The following SAMD3 variants were observed in gnomAD, a reference collection of about 807,000 sequenced individuals.
The protein encoded by SAMD3 is sterile alpha motif domain containing 3.
SAMD3 carries 63 observed loss-of-function variants against 58.5 expected under a neutral mutation model. The observed-to-expected ratio is 1.08, with a 90% CI of 0.88 to 1.33. SAMD3 has a LOEUF of 1.33. Ranked by LOEUF, SAMD3 falls within the 40% of genes most tolerant of loss-of-function variation. SAMD3 has a pLI of 0.00. For missense variants in SAMD3, 604 were observed against 608.4 expected (o/e 0.99, Z 0.08); for synonymous variants, 220 against 210.3 (o/e 1.05, Z -0.40).
intron 2 of SAMD3, among the ~76,000 whole-genome samples, chr6:130,251,489 T>C (rs1034371438): frequency 5.9e-5 from 9 of 152,174 alleles, no homozygotes; most frequent in East Asian, 5.8e-4. Flanking sequence ...TCTGTTTTTT[T>C]CTAAAACTTT....
chr6:130,154,724 T>A (rs1194940126), intron 9 of SAMD3, 101 bp downstream of exon 9: 218 of 153,528 alleles, frequency 1.4e-3, no homozygotes, highest in East Asian at 6.2e-3. Context: ...AAAAAATATA[T>A]ATATATATAT....
At chr6:130,180,710 G>A (rs1386419792) in intron 7 of SAMD3, among the ~76,000 whole-genome samples, 6 of 152,106 alleles carry the variant, frequency 3.9e-5, no homozygotes, top group African/African-American at 1.4e-4. Context: ...TTGGGGACAT[G>A]TCTGGTTGTT....
chr6:130,264,240 TGTTCTATCCCGAAGTCTGGCACCCTGCG>T (rs1370836834), intron 2 of SAMD3, among the ~76,000 whole-genome samples: 1 of 152,186 alleles, frequency 6.6e-6, no homozygotes, highest in East Asian at 1.9e-4. Context: ...AAGCTCTCTG[TGTTCTATCCCGAAGTCTGGCACCCTGCG>T]GTTCAGCTGC....
Position 130,154,968 on chromosome 6 carries a change from C to T in SAMD3, c.880G>A (p.Glu294Lys). ...LDEHIKWFQQ[E>K]YVKTEKDWRE... ...CAGTCCTTTTCTGTTTTCACGTATT[C>T]TTGCTGGAACCACTTAATATGTTCA... The change falls in exon 9 of 12, where the codon GAA becomes AAA. Residue 294 changes from glutamate to lysine, a missense_variant. By Grantham distance (56) the Glu-to-Lys change is moderately conservative (BLOSUM62 1). Coordinates refer to ENST00000439090, the MANE Select transcript of SAMD3 (RefSeq NM_001017373.4). 6.2e-7 allele frequency: 1 copy of T among 1,613,364 alleles called. No homozygotes were observed.
At chr6:130,273,345 A>G (rs1774640047) in intron 2 of SAMD3, among the ~76,000 whole-genome samples, 1 of 152,118 alleles carries the variant, frequency 6.6e-6, no homozygotes, top group Non-Finnish European at 1.5e-5. Context: ...TTTGTACAGA[A>G]TATCTTTTTC....
rs540198657 is a variant in SAMD3, at chr6:130,238,696, A to C, written c.-187-15883T>G. ...ATGGTAAACACATTACTGCTTGGCC[A>C]TATGTGGACCAGGAAGGGATGGAGA... On this transcript the variant is annotated intron_variant, in intron 2 of 13. Coordinates refer to the SAMD3 transcript ENST00000368134. 3.3e-5 allele frequency among the ~76,000 whole-genome samples: 5 copies of C among 152,316 alleles called. No individual in the cohort carries two copies. The East Asian group carries it at 9.7e-4, about 29-fold the overall frequency.
intron 7 of SAMD3, chr6:130,183,526 G>A: frequency 2.5e-6 from 1 of 397,650 alleles, no homozygotes; most frequent in Non-Finnish European, 4.9e-6. Context: ...TCCGAAGCAG[G>A]TGCAGCCATG....
intron 2 of SAMD3, among the ~76,000 whole-genome samples, chr6:130,259,483 T>G (rs1475444313): frequency 6.6e-6 from 1 of 152,190 alleles, no homozygotes; most frequent in East Asian, 1.9e-4. Context: ...TCAGCCTCCA[T>G]GATCCAAACA....
chr6:130,353,506 C>G (rs1364350494), intron 1 of SAMD3, among the ~76,000 whole-genome samples: 1 of 152,104 alleles, frequency 6.6e-6, no homozygotes, highest in African/African-American at 2.4e-5. Context: ...AATAAAGGTA[C>G]AACTTCAAAT....
At chr6:130,264,161 G>A (rs1453196391) in intron 2 of SAMD3, among the ~76,000 whole-genome samples, 7 of 152,202 alleles carry the variant, frequency 4.6e-5, no homozygotes, top group Admixed American at 4.6e-4. Context: ...TGGTCCTCCA[G>A]TCGACCATGC....
rs780537320 is a variant in SAMD3, at chr6:130,309,601, C to T, written c.-188+3377G>A. On this transcript the variant is annotated intron_variant, in intron 2 of 13. Transcript: ENST00000368134. ...TCCTCTTGAAGTGCTTAAGTCAAAG[C>T]GCATCTAGCCACCAAGCAGTGGAAT... Among the ~76,000 whole-genome samples, 58 of 152,206 alleles carry T rather than the reference C, an allele frequency of 3.8e-4. No homozygotes were observed. In the Middle Eastern group the frequency reaches 0.01, roughly 27 times the overall value.
chr6:130,212,955 A>C (rs376634094), intron 4 of SAMD3, among the ~76,000 whole-genome samples: 1 of 152,090 alleles, frequency 6.6e-6, no homozygotes, highest in East Asian at 1.9e-4. Flanking sequence ...TTTTACATAG[A>C]TATGCCAAAA....
intron 2 of SAMD3, among the ~76,000 whole-genome samples, chr6:130,308,403 C>CTATTCTATTCTATT: frequency 2.1e-5 from 3 of 145,890 alleles, no homozygotes; most frequent in African/African-American, 7.8e-5. Context: ...CTATTCTATT[C>CTATTCTATTCTATT]TATTCTATTC....
chr6:130,349,342 A>G (rs571559082), intron 1 of SAMD3, among the ~76,000 whole-genome samples: 1 of 152,318 alleles, frequency 6.6e-6, no homozygotes, highest in East Asian at 1.9e-4. Flanking sequence ...CAAGACTAAT[A>G]AAGAAGAAAA....
At chr6:130,207,774 G>A (rs1378819519) in intron 5 of SAMD3, among the ~76,000 whole-genome samples, 1 of 152,196 alleles carries the variant, frequency 6.6e-6, no homozygotes. Flanking sequence ...CCCCAAACAA[G>A]AGTCAGTGGG....
Position 130,144,611 on chromosome 6 carries a change from A to C in SAMD3, c.1472T>G (p.Leu491Arg), listed in dbSNP as rs1330884176. The C allele has an allele frequency of 2.5e-6, 4 of 1,614,034 alleles. No individual in the cohort carries two copies. In the South Asian group the frequency reaches 3.3e-5, roughly 13 times the overall value. ...GTGCATATCGAAAATCAGCGTTTCT[A>C]GGAAGTTGAAAGTTTGGGACAGTCT... ...PRRLSQTFNF[L>R]ETLIFDMHSP... Residue 491 changes from leucine (L) to arginine (R), a missense_variant, in exon 12 of 12, where the codon CTA (leucine) becomes CGA (arginine). Physicochemically the swap from Leu to Arg is moderately radical, Grantham distance 102. Coordinates refer to ENST00000439090, the MANE Select transcript of SAMD3 (RefSeq NM_001017373.4).
Position 130,184,134 on chromosome 6 carries a change from T to C in SAMD3, c.623A>G (p.His208Arg), listed in dbSNP as rs749538890. 8.1e-6 allele frequency: 13 copies of C among 1,613,794 alleles called. No individual in the cohort carries two copies. Among genetic ancestry groups the C allele is most frequent in the East Asian group, 2.2e-5 (1 of 44,890 alleles). Residue 208 changes from histidine to arginine, a missense_variant, in exon 7 of 12, where the codon CAC becomes CGC. Physicochemically the swap from His to Arg is conservative, Grantham distance 29. Coordinates refer to ENST00000439090, the MANE Select transcript of SAMD3 (RefSeq NM_001017373.4). ...NDVVNALLQA[H>R]PFLDEDGCGF... ...ACAGCCATCCTCATCCAGGAAAGGG[T>C]GGGCCTGCAGCAGGGCATTAACCAC...
intron 2 of SAMD3, among the ~76,000 whole-genome samples, chr6:130,272,633 G>T (rs753136218): frequency 6.6e-6 from 1 of 152,162 alleles, no homozygotes; most frequent in Non-Finnish European, 1.5e-5. Flanking sequence ...GTGGAAATAT[G>T]AAGTAATTGC....
chr6:130,295,418 A>T (rs1253672322), intron 2 of SAMD3, among the ~76,000 whole-genome samples: 5 of 152,142 alleles, frequency 3.3e-5, no homozygotes, highest in African/African-American at 1.2e-4. Context: ...AACTACATCC[A>T]CTAGATAAAT....
Sources: gnomAD v4.1 joint callset for allele counts (sites outside exome capture counted in the v4.1 genomes callset) on GRCh38, gnomAD v4.1.1 for gene constraint, MANE v1.5 for transcripts, NCBI Gene and HGNC (gene_info 2026-07-23, HGNC 2026-07-21) for gene names.